The following DUS2 variants were observed in gnomAD, a reference collection of about 807,000 sequenced individuals.
The protein encoded by DUS2 is tRNA-dihydrouridine(20) synthase [NAD(P)+]-like.
A neutral mutation model predicts 71.3 loss-of-function variants in DUS2; 52 were observed. The observed-to-expected ratio is 0.73, with a 90% confidence interval of 0.58 to 0.92. DUS2 has a LOEUF of 0.92. Among genes scored for constraint, DUS2 ranks in the 40% least tolerant of loss-of-function variants. The pLI, the probability that DUS2 is intolerant of heterozygous loss-of-function variation, is 0.00. For missense variants in DUS2, 558 were observed against 622.6 expected, an observed-to-expected ratio of 0.90 and a Z score of 1.10; for synonymous variants, 204 against 227.8, an observed-to-expected ratio of 0.90 and a Z score of 0.94.
intron 2 of DUS2, among the ~76,000 whole-genome samples, chr16:68,027,967 G>A (rs982601146): frequency 1.1e-4 from 17 of 152,198 alleles, no homozygotes; most frequent in African/African-American, 3.4e-4. Flanking sequence ...CTGAGGGCAG[G>A]AGGCAGGTGA....
intron 7 of DUS2, among the ~76,000 whole-genome samples, chr16:68,057,247 T>C (rs8182201): frequency 7.1e-6 from 1 of 141,436 alleles, no homozygotes; most frequent in African/African-American, 2.6e-5. Flanking sequence ...TATATATATA[T>C]AGAGAGAGAG....
intron 10 of DUS2, 68 bp from the exon 11 acceptor site, chr16:68,070,066 G>A: frequency 7.0e-7 from 1 of 1,434,182 alleles, no homozygotes; most frequent in Non-Finnish European, 9.8e-7. Flanking sequence ...TTTGGCTGAG[G>A]TAACCCTGTG....
At chr16:68,024,585 A>G (rs2033316166) in intron 1 of DUS2, among the ~76,000 whole-genome samples, 2 of 152,202 alleles carry the variant, frequency 1.3e-5, no homozygotes, top group South Asian at 4.1e-4. Flanking sequence ...TTGGAATAGT[A>G]TGAGGAAAAA....
chr16:68,058,172 C>G (rs184803243), intron 7 of DUS2, among the ~76,000 whole-genome samples: 1 of 150,504 alleles, frequency 6.6e-6, no homozygotes, highest in Non-Finnish European at 1.5e-5. Flanking sequence ...ACTGCAGGAT[C>G]GAAAACCTTG....
At chr16:68,023,534 G>T (rs779893323) in intron 1 of DUS2, 183 bp downstream of exon 1, 21 of 343,654 alleles carry the variant, frequency 6.1e-5, no homozygotes, top group Non-Finnish European at 1.1e-4. Flanking sequence ...CTCTTTAGTT[G>T]TTCCTCATTG....
intron 2 of DUS2, among the ~76,000 whole-genome samples, chr16:68,030,119 C>T (rs2151408438): frequency 6.6e-6 from 1 of 152,052 alleles, no homozygotes; most frequent in East Asian, 2.0e-4. Flanking sequence ...TTTGTTTATA[C>T]TCATTATTTT....
At chr16:68,078,701 C>T (rs1253889086) in intron 16 of DUS2, 48 bp from the exon 17 acceptor site, 2 of 1,558,010 alleles carry the variant, frequency 1.3e-6, no homozygotes, top group South Asian at 1.2e-5. Context: ...AGTCAGGCCT[C>T]ATAGCCCTGC....
In DUS2 at chr16:68,070,185, C is replaced by A. The variant is rs2034064275; in HGVS notation, c.606C>A (p.Ala202=). Residue 202 remains alanine (A), a synonymous_variant, in exon 11 of 17, where the codon GCC becomes GCA. Transcript: ENST00000565263. The part of the protein sequence containing the change: ...QHPVSCEVIK[A]IADTLSIPVI... ...CTGTCAGCTGTGAAGTCATCAAAGC[C>A]ATTGCTGATACCCTCTCCATTCCTG... The A allele has an allele frequency of 7.4e-6, 12 of 1,614,146 alleles. No homozygotes were observed. In the East Asian group the frequency reaches 2.5e-4, roughly 33 times the overall value.
chr16:68,057,880 CAAAAAAAAAAAA>C (rs5817628), intron 7 of DUS2, among the ~76,000 whole-genome samples: 1 of 92,152 alleles, frequency 1.1e-5, no homozygotes, highest in East Asian at 3.2e-4. Flanking sequence ...AAATCTGTCT[CAAAAAAAAAAAA>C]AAAAAAAAAG....
chr16:68,061,765 C>G (rs765071584), intron 8 of DUS2, among the ~76,000 whole-genome samples: 41 of 152,184 alleles, frequency 2.7e-4, no homozygotes, highest in Non-Finnish European at 4.7e-4. Context: ...ACTTCCCTGT[C>G]TGGGCTTTAA....
At chr16:68,074,332 C>T (rs747860479) in intron 13 of DUS2, among the ~76,000 whole-genome samples, 177 bp downstream of exon 13, 4 of 152,176 alleles carry the variant, frequency 2.6e-5, no homozygotes, top group Admixed American at 1.3e-4. Context: ...AGCTTTGAAA[C>T]GTCCCATCCC....
chr16:68,065,466 A>G (rs1429097711), intron 8 of DUS2, among the ~76,000 whole-genome samples: 1 of 150,856 alleles, frequency 6.6e-6, no homozygotes, highest in African/African-American at 2.4e-5. Context: ...AAACAGGTGG[A>G]TTGCTTGAGC....
rs1214890230 is a variant in DUS2 at position 68,076,617 on chromosome 16, C to T, written c.1083-15C>T. The T allele has an allele frequency of 1.2e-6, 2 of 1,609,366 alleles. No homozygotes were observed. The highest frequency in any genetic ancestry group is 2.7e-5 in the African/African-American group (2 of 74,902). ...GATGGTGGGTGACCCCAACTGCTTC[C>T]CTTCCTTTCCCCAGGAGAGCATACC... On this transcript the variant is annotated splice_polypyrimidine_tract_variant and intron_variant, in intron 14 of 16. Coordinates refer to ENST00000565263, the MANE Select transcript of DUS2 (RefSeq NM_017803.5).
chr16:68,033,070 T>A (rs987238498), intron 2 of DUS2, among the ~76,000 whole-genome samples: 4 of 152,036 alleles, frequency 2.6e-5, no homozygotes, highest in Non-Finnish European at 5.9e-5. Flanking sequence ...CTAAAGTCAG[T>A]GGGAAGCCAT....
chr16:68,057,938 A>G (rs918655598), intron 7 of DUS2, among the ~76,000 whole-genome samples: 1 of 151,916 alleles, frequency 6.6e-6, no homozygotes, highest in Non-Finnish European at 1.5e-5. Flanking sequence ...GTCGTATCAG[A>G]AGAGATCAGA....
At chr16:68,031,744 GA>G (rs1182323393) in intron 2 of DUS2, among the ~76,000 whole-genome samples, 1 of 151,928 alleles carries the variant, frequency 6.6e-6, no homozygotes, top group Non-Finnish European at 1.5e-5. Context: ...GCCCAGGCTG[GA>G]GGGCAGTGGT....
intron 2 of DUS2, among the ~76,000 whole-genome samples, chr16:68,031,015 A>G (rs967577185): frequency 6.6e-6 from 1 of 152,084 alleles, no homozygotes; most frequent in Non-Finnish European, 1.5e-5. Context: ...AAGTGATGGG[A>G]TTACAGGTGT....
At position 68,056,644 on chromosome 16, in the gene DUS2, TGG is replaced by T. The variant is rs1439814991; in HGVS notation, c.369+221_369+222del. 1.1e-4 allele frequency among the ~76,000 whole-genome samples: 16 copies of T among 152,030 alleles called. No individual in the cohort carries two copies. The East Asian group carries it at 3.1e-3, about 29-fold the overall frequency. On this transcript the variant is annotated intron_variant, in intron 7 of 16. Coordinates refer to ENST00000565263, the MANE Select transcript of DUS2 (RefSeq NM_017803.5). ...TGTAAACTTATGAAGATAACTTCTG[TGG>T]TTATGTAACAGAATATCCCTGTTCT... is the stretch of plus-strand genomic sequence containing the variant.
intron 12 of DUS2, among the ~76,000 whole-genome samples, chr16:68,072,286 G>A (rs1012125286): frequency 3.3e-5 from 5 of 152,192 alleles, no homozygotes; most frequent in Non-Finnish European, 7.3e-5. Context: ...GTCCTGCTGG[G>A]CAAGTTGGTG....
Sources: gnomAD v4.1 joint callset for allele counts (sites outside exome capture counted in the v4.1 genomes callset) on GRCh38, gnomAD v4.1.1 for gene constraint, MANE v1.5 for transcripts, NCBI Gene and HGNC (gene_info 2026-07-23, HGNC 2026-07-21) for gene names.